Variants in MAST3 observed in about 807,000 individuals in gnomAD.
The protein encoded by MAST3 is microtubule-associated serine/threonine-protein kinase 3.
In MAST3, 43 loss-of-function variants were observed where a neutral mutation model predicts 127.0. That is an observed-to-expected ratio of 0.34 (90% CI 0.27 to 0.44). The LOEUF (loss-of-function observed/expected upper bound fraction) is 0.44. Ranked by LOEUF, MAST3 falls within the 20% of genes least tolerant of loss-of-function variation. The pLI is 1.00. For missense variants in MAST3, 1,390 were observed against 1,919.1 expected (o/e 0.72, Z 5.15); for synonymous variants, 785 against 809.2 (o/e 0.97, Z 0.51).
At chr19:18,132,817 T>C (rs2041465653) in intron 15 of MAST3, among the ~76,000 whole-genome samples, 1 of 152,174 alleles carries the variant, frequency 6.6e-6, no homozygotes, top group South Asian at 2.1e-4. Context: ...GAGCCTTGCA[T>C]GTAGGCCAGG....
intron 1 of MAST3, among the ~76,000 whole-genome samples, chr19:18,103,776 T>C (rs2037842172): frequency 6.6e-6 from 1 of 152,048 alleles, no homozygotes; most frequent in African/African-American, 2.4e-5. Flanking sequence ...GGTCACACAG[T>C]GCAGGAGTGG....
Position 18,110,703 on chromosome 19 carries a change from CAGCCCCTGT to C in MAST3, c.131_139del (p.Cys44_Pro46del), listed in dbSNP as rs1006700922. The C allele has an allele frequency of 9.1e-6, 9 of 985,884 alleles. No homozygotes were observed. In the African/African-American group the frequency reaches 1.4e-4, roughly 15 times the overall value. 61.1% of individuals were successfully genotyped at this position (985,884 alleles called of 1,614,324 possible). A position where few individuals can be genotyped will look rare whatever the true frequency, so the allele number is the denominator to read the frequency against. On this transcript the variant is annotated inframe_deletion, in exon 3 of 28. Transcript: ENST00000687212. The surrounding 1 kb of genome is among the most constrained non-coding windows in gnomAD (Gnocchi z 4.3). Reference sequence around the variant, plus strand: ...CCCTGCTGGGTCCCAGCAGCCCCTGCAGCCCCTGTAGCCCCTCCTTGGGCCTGCACCCCT... The same window carrying C: ...CCCTGCTGGGTCCCAGCAGCCCCTGCAGCCCCTCCTTGGGCCTGCACCCCT...
chr19:18,145,509 C>T lies in MAST3; in HGVS notation c.3040-234C>T, dbSNP rs116658392. On this transcript the variant is annotated intron_variant, in intron 24 of 27. Transcript: ENST00000687212. The surrounding 1 kb of genome is among the most constrained non-coding windows in gnomAD (Gnocchi z 5.9). ...CCTCCCTCTCCCAGCCCAAGGGCGTCGAGGCATGCCCTCCCTATTGGTTGC... is the reference window on the plus strand; with the variant it reads ...CCTCCCTCTCCCAGCCCAAGGGCGTTGAGGCATGCCCTCCCTATTGGTTGC... 9.1e-4 allele frequency among the ~76,000 whole-genome samples: 138 copies of T among 152,308 alleles called. No individual in the cohort carries two copies. The highest frequency in any genetic ancestry group is 3.3e-3 in the African/African-American group (137 of 41,570).
intron 1 of MAST3, among the ~76,000 whole-genome samples, chr19:18,101,908 G>C (rs1253770743): frequency 2.8e-5 from 2 of 71,896 alleles, no homozygotes; most frequent in Non-Finnish European, 5.3e-5. Flanking sequence ...TTTTTTTTGA[G>C]ACGGAGTCTT....
In MAST3 at chr19:18,144,884, C is replaced by A. The variant is rs1365261712; in HGVS notation, c.2813-119C>A. ...CACGTGCAAAGGCCTGGTGGGGTGA[C>A]CATGCTTGGGACATTGAAGCAACAG... On this transcript the variant is annotated intron_variant, in intron 23 of 27. Coordinates refer to ENST00000687212, the MANE Select transcript of MAST3 (RefSeq NM_001393504.1). This position sits in a 1 kb window ranked among gnomAD's most constrained non-coding sequence, Gnocchi z 4.0. The A allele has an allele frequency of 1.2e-6, 1 of 858,690 alleles. No individual in the cohort carries two copies. The highest frequency in any genetic ancestry group is 1.9e-6 in the Non-Finnish European group (1 of 534,462). The allele number at this position is 858,690 out of a possible 1,614,324, so 53.2% of individuals were successfully genotyped here. A position where few individuals can be genotyped will look rare whatever the true frequency, so the allele number is the denominator to read the frequency against.
intron 27 of MAST3, among the ~76,000 whole-genome samples, chr19:18,148,877 T>C (rs956131223): frequency 5.4e-5 from 8 of 147,580 alleles, no homozygotes; most frequent in Non-Finnish European, 8.9e-5. Flanking sequence ...CACTCCAGCC[T>C]GGGTGACAGA....
chr19:18,100,674 G>A (rs2037519804), intron 1 of MAST3, among the ~76,000 whole-genome samples: 1 of 152,164 alleles, frequency 6.6e-6, no homozygotes, highest in Non-Finnish European at 1.5e-5. Context: ...GCCCAAAGAG[G>A]GAAGTACCCA....
chr19:18,144,339 A>T lies in MAST3; in HGVS notation c.2585-127A>T. Reference sequence around the variant, plus strand: ...TTGGGAAGGGAGTGCAGGAAGAGGGAACTGCATGAGCAAAGGCCAGGAGGC... The same window carrying T: ...TTGGGAAGGGAGTGCAGGAAGAGGGTACTGCATGAGCAAAGGCCAGGAGGC... On this transcript the variant is annotated intron_variant, in intron 22 of 27. Coordinates refer to ENST00000687212, the MANE Select transcript of MAST3 (RefSeq NM_001393504.1). This position sits in a 1 kb window ranked among gnomAD's most constrained non-coding sequence, Gnocchi z 4.0. The T allele has an allele frequency of 1.2e-6, 1 of 826,298 alleles. No homozygotes were observed. Among genetic ancestry groups the T allele is most frequent in the Non-Finnish European group, 1.9e-6 (1 of 526,116 alleles). 51.2% of individuals were successfully genotyped at this position (826,298 alleles called of 1,614,324 possible).
chr19:18,128,303 C>A, intron 11 of MAST3, 97 bp from the exon 12 acceptor site: 1 of 965,584 alleles, frequency 1.0e-6, no homozygotes, highest in Non-Finnish European at 1.6e-6. Context: ...ACTGCATCCC[C>A]AGCCTGGGGT....
chr19:18,126,028 T>C (rs2040576650), intron 11 of MAST3, among the ~76,000 whole-genome samples: 1 of 151,840 alleles, frequency 6.6e-6, no homozygotes, highest in Non-Finnish European at 1.5e-5. Flanking sequence ...CACTGTGCTC[T>C]AGCCTGGGTG....
chr19:18,133,140 G>C (rs1424844673), intron 15 of MAST3, among the ~76,000 whole-genome samples: 1 of 151,280 alleles, frequency 6.6e-6, no homozygotes, highest in Non-Finnish European at 1.5e-5. Flanking sequence ...AGGGCATTTT[G>C]CAGTTGGCAA....
In MAST3 at chr19:18,128,938, A is replaced by C; in HGVS notation, c.1210A>C (p.Asn404His). Residue 404 changes from asparagine to histidine, a missense_variant, in exon 13 of 28, where the codon AAC (asparagine) becomes CAC (histidine). Asn to His is a moderately conservative substitution (Grantham distance 68, BLOSUM62 1). Transcript: ENST00000687212. The stretch of plus-strand genomic sequence containing the variant: ...CTTTGAGACCATCAAACTCATTAGC[A>C]ACGGAGCCTATGGGTGAGTCCCTGA... ...SDFETIKLIS[N>H]GAYGAVYLVR... The C allele has an allele frequency of 6.2e-7, 1 of 1,613,984 alleles. No homozygotes were observed. The highest frequency in any genetic ancestry group is 8.5e-7 in the Non-Finnish European group (1 of 1,179,878).
At position 18,145,730 on chromosome 19, in the gene MAST3, C is replaced by T. The variant is rs758871245; in HGVS notation, c.3040-13C>T. The T allele has an allele frequency of 1.2e-5, 19 of 1,574,564 alleles. No individual in the cohort carries two copies. In the African/African-American group the frequency reaches 1.4e-4, roughly 11 times the overall value. On this transcript the variant is annotated splice_polypyrimidine_tract_variant and intron_variant, in intron 24 of 27. Coordinates refer to ENST00000687212, the MANE Select transcript of MAST3 (RefSeq NM_001393504.1). The surrounding 1 kb of genome is among the most constrained non-coding windows in gnomAD (Gnocchi z 5.9). The stretch of plus-strand genomic sequence containing the variant: ...CCCAGGCCATTGACCCCACCGTTCT[C>T]GTCTGCCCCCAGAGTGTGGAGGACG...
rs1323545629 is a variant in MAST3 at position 18,151,240 on chromosome 19, C to T, written c.*1514C>T. On this transcript the variant is annotated 3_prime_UTR_variant, in exon 28 of 28. Transcript: ENST00000687212. The stretch of plus-strand genomic sequence containing the variant: ...AATCCCATTGACTGTTTATTAAGCA[C>T]CTACTGTGTGCCAAGCGCTTTTACG... The T allele has an allele frequency of 2.0e-5, 3 of 152,180 alleles. No homozygotes were observed. The highest frequency in any genetic ancestry group is 6.5e-5 in the Admixed American group (1 of 15,274). 9.4% of individuals were successfully genotyped at this position (152,180 alleles called of 1,614,324 possible). A position where few individuals can be genotyped will look rare whatever the true frequency, so the allele number is the denominator to read the frequency against.
In MAST3 at chr19:18,108,617, C is replaced by A. The variant is rs906103601; in HGVS notation, c.71+999C>A. Among the ~76,000 whole-genome samples the A allele has an allele frequency of 7.9e-5, 12 of 152,304 alleles. No homozygotes were observed. In the South Asian group the frequency reaches 2.5e-3, roughly 32 times the overall value. On this transcript the variant is annotated intron_variant, in intron 2 of 27. Coordinates refer to ENST00000687212, the MANE Select transcript of MAST3 (RefSeq NM_001393504.1). ...TCCTGGACTCAAGCGATCTGCCTGC[C>A]TCAACCTCCCAAAGTGCTGGGATTA...
At chr19:18,100,805 CA>C (rs1463020793) in intron 1 of MAST3, among the ~76,000 whole-genome samples, 1 of 152,208 alleles carries the variant, frequency 6.6e-6, no homozygotes, top group Non-Finnish European at 1.5e-5. Context: ...CCCAGCCAAT[CA>C]GGGGGTAGAT....
chr19:18,149,311 G>T lies in MAST3; in HGVS notation c.3629G>T (p.Arg1210Leu), dbSNP rs1207158978. ...CTGGCTGCCAAGCTTGGGCCACCCC[G>T]CCCCAAGACTGGCCGCCGCAAGTCC... is the stretch of plus-strand genomic sequence containing the variant. ...HGLAAKLGPP[R>L]PKTGRRKSTS... Residue 1210 changes from arginine to leucine, a missense_variant, in exon 28 of 28, where the codon CGC (arginine) becomes CTC (leucine). Physicochemically the swap from Arg to Leu is moderately radical, Grantham distance 102. Around this residue, in one of 5 missense-constraint regions of MAST3, gnomAD observed 816 missense variants for 934.1 expected, o/e 0.87. Coordinates refer to ENST00000687212, the MANE Select transcript of MAST3 (RefSeq NM_001393504.1). This position sits in a 1 kb window ranked among gnomAD's most constrained non-coding sequence, Gnocchi z 5.9. The T allele has an allele frequency of 6.6e-7, 1 of 1,522,142 alleles. No individual in the cohort carries two copies. Among genetic ancestry groups the T allele is most frequent in the Admixed American group, 2.1e-5 (1 of 48,256 alleles). The allele number at this position is 1,522,142 out of a possible 1,614,324, so 94.3% of individuals were successfully genotyped here.
chr19:18,135,899 G>A (rs2147512888), intron 18 of MAST3, 58 bp downstream of exon 18: 1 of 1,354,456 alleles, frequency 7.4e-7, no homozygotes, highest in Non-Finnish European at 1.0e-6. Context: ...GGGACCCAGG[G>A]AATGGAGGGA....
intron 15 of MAST3, among the ~76,000 whole-genome samples, chr19:18,133,075 G>A (rs1401315233): frequency 6.6e-6 from 1 of 151,982 alleles, no homozygotes; most frequent in Non-Finnish European, 1.5e-5. Context: ...CCCAAGCCTG[G>A]GCGACAGAGC....
Sources: allele counts gnomAD v4.1 joint callset (sites outside exome capture counted in the v4.1 genomes callset), GRCh38; gene constraint gnomAD v4.1.1; regional missense constraint gnomAD v4.1.1; non-coding constraint Gnocchi (gnomAD v3.1); transcripts MANE v1.5; gene names NCBI Gene and HGNC (gene_info 2026-07-23, HGNC 2026-07-21).